The following FBXL17 variants were observed in gnomAD, a reference collection of about 807,000 sequenced individuals.
FBXL17 encodes the protein F-box and leucine rich repeat protein 17.
FBXL17 carries 22 observed loss-of-function variants against 66.2 expected under a neutral mutation model. That is an observed-to-expected ratio of 0.33 (90% CI 0.24 to 0.47). The LOEUF (loss-of-function observed/expected upper bound fraction) is 0.47. Among genes scored for constraint, FBXL17 ranks in the 20% least tolerant of loss-of-function variants. The pLI, the probability that FBXL17 is intolerant of heterozygous loss-of-function variation, is 1.00. For missense variants in FBXL17, 878 were observed against 948.2 expected, an observed-to-expected ratio of 0.93 and a Z score of 0.97; for synonymous variants, 474 against 400.5, an observed-to-expected ratio of 1.18 and a Z score of -2.19.
chr5:107,917,041 T>G (rs1327392807), intron 7 of FBXL17, among the ~76,000 whole-genome samples: 1 of 152,204 alleles, frequency 6.6e-6, no homozygotes, highest in Non-Finnish European at 1.5e-5. Context: ...TCATAAAGAC[T>G]TTTCAAAGAA....
chr5:108,127,335 T>C (rs1160830600), intron 6 of FBXL17, among the ~76,000 whole-genome samples: 4 of 152,244 alleles, frequency 2.6e-5, no homozygotes, highest in Admixed American at 6.5e-5. Flanking sequence ...ACCACTGTCA[T>C]TGTCCTGTTC....
chr5:107,872,944 C>T (rs959831019), intron 8 of FBXL17, among the ~76,000 whole-genome samples: 1 of 152,134 alleles, frequency 6.6e-6, no homozygotes, highest in Non-Finnish European at 1.5e-5. Flanking sequence ...GAGTGGTTAC[C>T]ATATGGATGC....
intron 4 of FBXL17, chr5:108,299,654 TAA>T (rs112980527): frequency 3.4e-5 from 25 of 734,696 alleles, no homozygotes; most frequent in Non-Finnish European, 3.3e-5. Flanking sequence ...AAATTAAAAT[TAA>T]AAAAAAAAAA....
chr5:108,304,611 C>T (rs983425332), intron 4 of FBXL17, among the ~76,000 whole-genome samples: 1 of 151,916 alleles, frequency 6.6e-6, no homozygotes, highest in East Asian at 1.9e-4. Flanking sequence ...ATACACCTAT[C>T]TGCAAGCCCT....
At chr5:108,379,634 T>C (rs992364756) in intron 1 of FBXL17, among the ~76,000 whole-genome samples, 41 of 152,200 alleles carry the variant, frequency 2.7e-4, no homozygotes, top group African/African-American at 9.4e-4. Context: ...GTAGCCAAAT[T>C]CTTATCAAGG....
At chr5:107,972,503 A>T (rs1482047527) in intron 7 of FBXL17, among the ~76,000 whole-genome samples, 1 of 152,186 alleles carries the variant, frequency 6.6e-6, no homozygotes, top group African/African-American at 2.4e-5. Flanking sequence ...GACAGGCTTA[A>T]TAATATTTTA....
intron 7 of FBXL17, among the ~76,000 whole-genome samples, chr5:107,983,221 TTTTG>T (rs1752889642): frequency 6.6e-6 from 1 of 152,180 alleles, no homozygotes; most frequent in Admixed American, 6.5e-5. Flanking sequence ...TCAGTTTTTG[TTTTG>T]TTTGAGATAA....
At chr5:107,944,285 T>A (rs1352879462) in intron 7 of FBXL17, among the ~76,000 whole-genome samples, 3 of 152,224 alleles carry the variant, frequency 2.0e-5, no homozygotes, top group African/African-American at 7.2e-5. Flanking sequence ...AAGAATAAAC[T>A]TCCAAATGAA....
Position 108,125,574 on chromosome 5 carries a change from T to G in FBXL17, c.1745+60543A>C, listed in dbSNP as rs143721822. Among the ~76,000 whole-genome samples the G allele has an allele frequency of 3.1e-3, 478 of 152,174 alleles. 2 individuals are homozygous for G. Among genetic ancestry groups the G allele is most frequent in the African/African-American group, 0.011 (461 of 41,542 alleles). ...TATGTATTAGTAACGATAGGAGTATTCTATGGAGGGTGGCAAGGAAGGAGT... is the reference window on the plus strand; with the variant it reads ...TATGTATTAGTAACGATAGGAGTATGCTATGGAGGGTGGCAAGGAAGGAGT... On this transcript the variant is annotated intron_variant, in intron 6 of 8. Transcript: ENST00000542267.
Position 108,318,227 on chromosome 5 carries a change from T to C in FBXL17, c.1506+30172A>G, listed in dbSNP as rs543632163. Among the ~76,000 whole-genome samples the C allele has an allele frequency of 8.6e-5, 13 of 151,874 alleles. No individual in the cohort carries two copies. In the South Asian group the frequency reaches 2.7e-3, roughly 31 times the overall value. ...TAGTAATGAGCTATACCCAGCATAC[T>C]GTACTCAGTAACAGAACAATAATAC... On this transcript the variant is annotated intron_variant, in intron 4 of 8. Coordinates refer to ENST00000542267, the MANE Select transcript of FBXL17 (RefSeq NM_001163315.3).
At chr5:108,156,973 A>G (rs1237822731) in intron 6 of FBXL17, among the ~76,000 whole-genome samples, 1 of 151,912 alleles carries the variant, frequency 6.6e-6, no homozygotes, top group Non-Finnish European at 1.5e-5. Flanking sequence ...ATTAAGTTAT[A>G]TAACTTTATT....
In FBXL17 at chr5:108,116,823, A is replaced by C. The variant is rs183056221; in HGVS notation, c.1745+69294T>G. 5.6e-3 allele frequency among the ~76,000 whole-genome samples: 858 copies of C among 152,254 alleles called. 10 individuals carry two copies. Among genetic ancestry groups the C allele is most frequent in the African/African-American group, 0.019 (800 of 41,548 alleles). On this transcript the variant is annotated intron_variant, in intron 6 of 8. Coordinates refer to ENST00000542267, the MANE Select transcript of FBXL17 (RefSeq NM_001163315.3). ...ATTAACACCCAGGTATTTAATTCCC[A>C]ATCTGGCCAGCAGCCTTGTATCCTC...
intron 6 of FBXL17, among the ~76,000 whole-genome samples, chr5:108,145,109 G>A (rs1174477292): frequency 6.6e-6 from 1 of 151,996 alleles, no homozygotes; most frequent in African/African-American, 2.4e-5. Flanking sequence ...AGTAAATTAG[G>A]ATCAAATTTT....
At chr5:107,890,048 G>A (rs1749143394) in intron 7 of FBXL17, among the ~76,000 whole-genome samples, 1 of 152,138 alleles carries the variant, frequency 6.6e-6, no homozygotes, top group Non-Finnish European at 1.5e-5. Flanking sequence ...AGATGAGGAA[G>A]AAAAAGAACC....
At chr5:107,873,172 G>A (rs1041485172) in intron 8 of FBXL17, among the ~76,000 whole-genome samples, 2 of 152,248 alleles carry the variant, frequency 1.3e-5, no homozygotes, top group Non-Finnish European at 2.9e-5. Context: ...GACCACAGCT[G>A]AAAGCTGATG....
rs561185514 is a variant in FBXL17, at chr5:108,215,020, T to A, written c.1614+9101A>T. Among the ~76,000 whole-genome samples, 14 of 152,326 alleles carry A rather than the reference T, an allele frequency of 9.2e-5. No homozygotes were observed. In the South Asian group the frequency reaches 2.9e-3, roughly 32 times the overall value. On this transcript the variant is annotated intron_variant, in intron 5 of 8. Transcript: ENST00000542267. ...TGCTTCCAAGGCCATGTTACAGCCA[T>A]ATTATAGCATATTTCAGAACATCAT...
chr5:108,202,588 C>G (rs1024243665), intron 5 of FBXL17, among the ~76,000 whole-genome samples: 2 of 152,100 alleles, frequency 1.3e-5, no homozygotes, highest in African/African-American at 4.8e-5. Flanking sequence ...TAATACAGAA[C>G]TCTATCTATA....
intron 5 of FBXL17, among the ~76,000 whole-genome samples, chr5:108,193,943 C>T (rs1753572599): frequency 6.6e-6 from 1 of 152,030 alleles, no homozygotes; most frequent in African/African-American, 2.4e-5. Context: ...TTCTGTTTTG[C>T]TTTCTAGGAC....
intron 7 of FBXL17, among the ~76,000 whole-genome samples, chr5:107,902,264 C>A (rs1749591092): frequency 6.6e-6 from 1 of 152,120 alleles, no homozygotes; most frequent in Non-Finnish European, 1.5e-5. Flanking sequence ...CAGATCATCA[C>A]ACTTGTCACA....
Sources: allele counts gnomAD v4.1 joint callset (sites outside exome capture counted in the v4.1 genomes callset), GRCh38; gene constraint gnomAD v4.1.1; transcripts MANE v1.5; gene names NCBI Gene and HGNC (gene_info 2026-07-23, HGNC 2026-07-21).